PRKG1: variants seen among roughly 807,000 people sequenced by gnomAD.
The protein encoded by PRKG1 is cGMP-dependent protein kinase 1.
In PRKG1, 35 loss-of-function variants were observed where a neutral mutation model predicts 88.1. The observed-to-expected ratio is 0.40, with a 90% CI of 0.30 to 0.53. The LOEUF is 0.53. Ranked by LOEUF, PRKG1 falls within the 20% of genes least tolerant of loss-of-function variation. The pLI, the probability that PRKG1 is intolerant of heterozygous loss-of-function variation, is 0.59. For synonymous variants in PRKG1, 303 were observed against 292.5 expected, an observed-to-expected ratio of 1.04 and a Z score of -0.37; for missense variants, 540 against 839.8, an observed-to-expected ratio of 0.64 and a Z score of 4.41.
intron 3 of PRKG1, among the ~76,000 whole-genome samples, chr10:51,731,892 C>G (rs1487062545): frequency 6.6e-6 from 1 of 152,154 alleles, no homozygotes; most frequent in Non-Finnish European, 1.5e-5. Context: ...AGGCCTCCCT[C>G]CTTGGCTTGC....
intron 2 of PRKG1, among the ~76,000 whole-genome samples, chr10:51,218,269 C>G (rs1838423195): frequency 6.6e-6 from 1 of 151,724 alleles, no homozygotes. Context: ...AAACGTTGCT[C>G]TAAGGCACAG....
At chr10:51,286,068 T>G (rs1053929216) in intron 2 of PRKG1, among the ~76,000 whole-genome samples, 34 of 152,206 alleles carry the variant, frequency 2.2e-4, no homozygotes, top group Non-Finnish European at 7.3e-5. Flanking sequence ...CCTCCCAGTT[T>G]CAAGCAATTC....
At chr10:51,806,995 G>A (rs527541753) in intron 4 of PRKG1, among the ~76,000 whole-genome samples, 7 of 152,264 alleles carry the variant, frequency 4.6e-5, no homozygotes, top group East Asian at 3.9e-4. Flanking sequence ...GAGAAGTCAC[G>A]TCTTTCCTCC....
At chr10:51,812,417 A>T (rs1404208968) in intron 4 of PRKG1, among the ~76,000 whole-genome samples, 1 of 152,178 alleles carries the variant, frequency 6.6e-6, no homozygotes, top group Non-Finnish European at 1.5e-5. Flanking sequence ...CAGGCATTGC[A>T]TGGGGAAGAA....
At chr10:52,180,969 T>A (rs1401736797) in intron 9 of PRKG1, among the ~76,000 whole-genome samples, 2 of 152,054 alleles carry the variant, frequency 1.3e-5, no homozygotes, top group Non-Finnish European at 2.9e-5. Context: ...GTTGGAGGTG[T>A]TTTCCCAGGC....
intron 2 of PRKG1, among the ~76,000 whole-genome samples, chr10:51,331,649 A>G (rs1022158742): frequency 2.6e-5 from 4 of 152,110 alleles, no homozygotes; most frequent in African/African-American, 9.7e-5. Context: ...TTGTGCTGCA[A>G]CTACATACCG....
intron 3 of PRKG1, among the ~76,000 whole-genome samples, chr10:51,788,360 G>T (rs1838782458): frequency 6.6e-6 from 1 of 152,112 alleles, no homozygotes; most frequent in Non-Finnish European, 1.5e-5. Context: ...TCACAAGAAG[G>T]AAAATGGCAT....
At chr10:51,720,773 A>G (rs1408436908) in intron 3 of PRKG1, among the ~76,000 whole-genome samples, 1 of 152,194 alleles carries the variant, frequency 6.6e-6, no homozygotes, top group Non-Finnish European at 1.5e-5. Flanking sequence ...TAATAGTTAT[A>G]ATGATACTCT....
chr10:52,030,582 G>T (rs1172891445), intron 5 of PRKG1, among the ~76,000 whole-genome samples: 4 of 152,126 alleles, frequency 2.6e-5, no homozygotes, highest in Non-Finnish European at 5.9e-5. Context: ...GATATTGAAG[G>T]TCGAAGGAAG....
intron 3 of PRKG1, among the ~76,000 whole-genome samples, chr10:51,471,733 G>C (rs1840054226): frequency 1.3e-5 from 2 of 151,868 alleles, no homozygotes; most frequent in African/African-American, 4.8e-5. Context: ...CTTACTTTGA[G>C]TTTCAGCTCT....
chr10:52,166,596 G>A (rs10762623), intron 9 of PRKG1, among the ~76,000 whole-genome samples: 20,781 of 148,890 alleles, frequency 0.14, 1,843 homozygotes, highest in South Asian at 0.31. Context: ...ACTATGCCCG[G>A]CTAATTTGAA....
At chr10:51,828,890 T>A (rs1008375793) in intron 4 of PRKG1, among the ~76,000 whole-genome samples, 11 of 152,226 alleles carry the variant, frequency 7.2e-5, no homozygotes, top group African/African-American at 2.7e-4. Context: ...AAATCTGTAT[T>A]AGTTATCTAT....
chr10:52,039,851 C>G (rs1261873311), intron 5 of PRKG1, among the ~76,000 whole-genome samples: 1 of 152,136 alleles, frequency 6.6e-6, no homozygotes, highest in Non-Finnish European at 1.5e-5. Flanking sequence ...GAGAAGCACT[C>G]AAGTCTCACC....
chr10:51,785,535 A>T (rs1324050173), intron 3 of PRKG1, among the ~76,000 whole-genome samples: 2 of 152,100 alleles, frequency 1.3e-5, no homozygotes, highest in Non-Finnish European at 2.9e-5. Context: ...ATGTCTATCT[A>T]TTATATTATT....
intron 3 of PRKG1, among the ~76,000 whole-genome samples, chr10:51,554,421 CGTGTGT>C (rs58710266): frequency 6.3e-5 from 9 of 143,342 alleles, no homozygotes; most frequent in African/African-American, 2.0e-4. Flanking sequence ...GTATATTTAT[CGTGTGT>C]GTGTGTGTGT....
At chr10:51,893,180 A>G (rs1428865900) in intron 4 of PRKG1, among the ~76,000 whole-genome samples, 1 of 152,074 alleles carries the variant, frequency 6.6e-6, no homozygotes, top group Non-Finnish European at 1.5e-5. Flanking sequence ...CTGAGTGCTG[A>G]TTTCAAACCT....
intron 2 of PRKG1, among the ~76,000 whole-genome samples, chr10:51,227,077 C>T (rs1838712467): frequency 1.3e-5 from 2 of 151,520 alleles, no homozygotes; most frequent in South Asian, 2.1e-4. Flanking sequence ...CCTTTGAACT[C>T]TTACAGAACT....
intron 4 of PRKG1, among the ~76,000 whole-genome samples, chr10:51,895,304 C>T (rs1161316434): frequency 1.3e-5 from 2 of 152,158 alleles, no homozygotes; most frequent in Non-Finnish European, 2.9e-5. Flanking sequence ...TTGAACTTTT[C>T]AGTTTCTTCT....
rs562033163 is a variant in PRKG1 at position 52,224,548 on chromosome 10, C to T, written c.1077-27022C>T. 7.0e-5 allele frequency among the ~76,000 whole-genome samples: 10 copies of T among 142,952 alleles called. No individual in the cohort carries two copies. In the East Asian group the frequency reaches 1.1e-3, roughly 15 times the overall value. 93.8% of individuals were successfully genotyped at this position (142,952 alleles called of 152,430 possible). Reference sequence around the variant, plus strand: ...TTGTGAGATTTTGGTGTACCCATCACCCAAGCAGTATACACTTCACCATAT... The same window carrying T: ...TTGTGAGATTTTGGTGTACCCATCATCCAAGCAGTATACACTTCACCATAT... On this transcript the variant is annotated intron_variant, in intron 9 of 17. Transcript: ENST00000373980.
Sources: gnomAD v4.1 joint callset for allele counts (sites outside exome capture counted in the v4.1 genomes callset) on GRCh38, gnomAD v4.1.1 for gene constraint, MANE v1.5 for transcripts, NCBI Gene and HGNC (gene_info 2026-07-23, HGNC 2026-07-21) for gene names.